The following HIVEP3 variants were observed in gnomAD, a reference collection of about 807,000 sequenced individuals.
The protein encoded by HIVEP3 is HIVEP zinc finger 3.
HIVEP3 carries 49 observed loss-of-function variants against 152.8 expected under a neutral mutation model. The ratio of observed to expected loss-of-function variants is 0.32; its 90% CI spans 0.26 to 0.41. HIVEP3 has a LOEUF of 0.41. Among genes scored for constraint, HIVEP3 ranks in the 10% least tolerant of loss-of-function variants. The pLI, the probability that HIVEP3 is intolerant of heterozygous loss-of-function variation, is 1.00. For synonymous variants in HIVEP3, 1,269 were observed against 1,289.0 expected, an observed-to-expected ratio of 0.98 and a Z score of 0.33; for missense variants, 2,790 against 3,103.3, an observed-to-expected ratio of 0.90 and a Z score of 2.40.
At chr1:41,876,722 T>C (rs1331036601) in intron 1 of HIVEP3, among the ~76,000 whole-genome samples, 1 of 152,198 alleles carries the variant, frequency 6.6e-6, no homozygotes, top group Non-Finnish European at 1.5e-5. Flanking sequence ...ATTCAGCACT[T>C]GGAAAACTAT....
At chr1:41,606,633 T>C (rs1644825925) in intron 3 of HIVEP3, among the ~76,000 whole-genome samples, 1 of 151,966 alleles carries the variant, frequency 6.6e-6, no homozygotes, top group Non-Finnish European at 1.5e-5. Context: ...TTTGGGTTCC[T>C]TTTTTGATTG....
chr1:41,888,959 ACACACACACACAAAGAC>A (rs1291666210), intron 1 of HIVEP3, among the ~76,000 whole-genome samples: 3 of 126,298 alleles, frequency 2.4e-5, no homozygotes. Flanking sequence ...CACACATGCC[ACACACACACACAAAGAC>A]CACACATGCC....
At chr1:41,844,038 C>A (rs1643365957) in intron 1 of HIVEP3, among the ~76,000 whole-genome samples, 1 of 152,114 alleles carries the variant, frequency 6.6e-6, no homozygotes, top group Admixed American at 6.6e-5. Context: ...AATGTTGATA[C>A]CAATGACACA....
At chr1:41,764,592 A>C (rs1647894431) in intron 1 of HIVEP3, among the ~76,000 whole-genome samples, 1 of 152,224 alleles carries the variant, frequency 6.6e-6, no homozygotes, top group South Asian at 2.1e-4. Flanking sequence ...GGTTGATTTT[A>C]CAAAAAAGAT....
intron 2 of HIVEP3, among the ~76,000 whole-genome samples, chr1:41,660,049 G>A (rs1354696892): frequency 6.6e-6 from 1 of 152,158 alleles, no homozygotes; most frequent in Non-Finnish European, 1.5e-5. Flanking sequence ...TGTGTGTAGA[G>A]GAGCAGGGTT....
chr1:41,744,141 C>A (rs537222064), intron 1 of HIVEP3, among the ~76,000 whole-genome samples: 1 of 152,144 alleles, frequency 6.6e-6, no homozygotes, highest in African/African-American at 2.4e-5. Flanking sequence ...CAGGTTCAAG[C>A]GATTCTCCTG....
At chr1:41,607,950 G>T (rs1456998351) in intron 3 of HIVEP3, among the ~76,000 whole-genome samples, 1 of 152,200 alleles carries the variant, frequency 6.6e-6, no homozygotes, top group Non-Finnish European at 1.5e-5. Flanking sequence ...AAAGGGGAGG[G>T]CAGAGCTGGG....
chr1:41,834,795 TA>T (rs762090598), intron 1 of HIVEP3, among the ~76,000 whole-genome samples: 1 of 151,768 alleles, frequency 6.6e-6, no homozygotes, highest in South Asian at 2.1e-4. Flanking sequence ...GAAAAAATAA[TA>T]AAGAAAGATG....
At chr1:41,945,739 G>C (rs1645071296) in intron 1 of HIVEP3, among the ~76,000 whole-genome samples, 1 of 152,168 alleles carries the variant, frequency 6.6e-6, no homozygotes, top group Non-Finnish European at 1.5e-5. Context: ...AGAAGCCCAT[G>C]AATTATTCAA....
chr1:42,020,329 A>G (rs1429583668), intron 1 of HIVEP3, among the ~76,000 whole-genome samples: 1 of 152,082 alleles, frequency 6.6e-6, no homozygotes, highest in African/African-American at 2.4e-5. Flanking sequence ...GCCCCAGAAA[A>G]TTTATTTGTT....
chr1:41,647,519 G>A (rs186507940), intron 2 of HIVEP3, among the ~76,000 whole-genome samples: 41 of 152,320 alleles, frequency 2.7e-4, no homozygotes, highest in East Asian at 2.1e-3. Flanking sequence ...CCCTTCCCTT[G>A]GTACTTTGCT....
chr1:41,842,801 C>T (rs1489289421), intron 1 of HIVEP3, among the ~76,000 whole-genome samples: 1 of 152,120 alleles, frequency 6.6e-6, no homozygotes, highest in African/African-American at 2.4e-5. Flanking sequence ...TTTTGCCCCC[C>T]GCTTCTTGCT....
chr1:41,874,661 C>T (rs1194155769), intron 1 of HIVEP3, among the ~76,000 whole-genome samples: 2 of 152,132 alleles, frequency 1.3e-5, no homozygotes, highest in African/African-American at 4.8e-5. Flanking sequence ...AGAGACTCCA[C>T]GGTACAGAAA....
Position 41,519,867 on chromosome 1 carries a change from G to A in HIVEP3, c.5384-1379C>T, listed in dbSNP as rs138388530. Among the ~76,000 whole-genome samples the A allele has an allele frequency of 2.2e-3, 338 of 152,216 alleles. 1 individual carries two copies. Among genetic ancestry groups the A allele is most frequent in the African/African-American group, 7.4e-3 (309 of 41,510 alleles). On this transcript the variant is annotated intron_variant, in intron 6 of 8. Transcript: ENST00000372583. ...CAAATGGAAGGATAGATGGAGAATG[G>A]GTCAATAAACAGATGAGATGATGGA...
chr1:41,660,805 G>A (rs1352794882), intron 2 of HIVEP3, among the ~76,000 whole-genome samples: 2 of 152,190 alleles, frequency 1.3e-5, no homozygotes, highest in East Asian at 3.8e-4. Flanking sequence ...ATTGTAATTG[G>A]CCAAAAGGGT....
chr1:41,749,799 C>T (rs941578308), intron 1 of HIVEP3, among the ~76,000 whole-genome samples: 6 of 152,290 alleles, frequency 3.9e-5, no homozygotes, highest in East Asian at 1.9e-4. Context: ...ATGTGCTCTA[C>T]GGAGCTCCGG....
At chr1:41,801,103 T>A (rs1477187269) in intron 1 of HIVEP3, among the ~76,000 whole-genome samples, 1 of 152,298 alleles carries the variant, frequency 6.6e-6, no homozygotes, top group African/African-American at 2.4e-5. Context: ...ACAGGCAGTG[T>A]AACCGTGGGC....
chr1:41,863,800 T>C (rs1643919640), intron 1 of HIVEP3, among the ~76,000 whole-genome samples: 1 of 152,206 alleles, frequency 6.6e-6, no homozygotes, highest in Non-Finnish European at 1.5e-5. Flanking sequence ...AGTCCAGGAT[T>C]CTCCATCTGT....
intron 1 of HIVEP3, among the ~76,000 whole-genome samples, chr1:41,749,300 C>A (rs910947324): frequency 4.6e-5 from 7 of 152,114 alleles, no homozygotes; most frequent in Admixed American, 4.6e-4. Flanking sequence ...TCTCACTTCC[C>A]CTGGGTGGGT....
Sources: gnomAD v4.1 joint callset for allele counts (sites outside exome capture counted in the v4.1 genomes callset) on GRCh38, gnomAD v4.1.1 for gene constraint, MANE v1.5 for transcripts, NCBI Gene and HGNC (gene_info 2026-07-23, HGNC 2026-07-21) for gene names.